WDPCP: variants seen among roughly 807,000 people sequenced by gnomAD.
WDPCP encodes the protein WD repeat-containing and planar cell polarity effector protein fritz homolog.
A neutral mutation model predicts 93.1 loss-of-function variants in WDPCP; 71 were observed. The observed-to-expected ratio is 0.76, with a 90% CI of 0.63 to 0.93. The LOEUF (loss-of-function observed/expected upper bound fraction) is 0.93, where lower values mean the gene tolerates loss of function less well. Among genes scored for constraint, WDPCP ranks in the 40% least tolerant of loss-of-function variants. WDPCP has a pLI of 0.00. For synonymous variants in WDPCP, 315 were observed against 315.0 expected, an observed-to-expected ratio of 1.00 and a Z score of 0.00; for missense variants, 844 against 887.4, an observed-to-expected ratio of 0.95 and a Z score of 0.62.
chr2:63,652,455 G>T (rs187289616), intron 2 of WDPCP, among the ~76,000 whole-genome samples: 1 of 152,190 alleles, frequency 6.6e-6, no homozygotes, highest in Non-Finnish European at 1.5e-5. Context: ...GAGAAGGAAA[G>T]AATTCACTTG....
chr2:63,588,090 C>G, intron 1 of WDPCP, 107 bp downstream of exon 1: 1 of 1,340,574 alleles, frequency 7.5e-7, no homozygotes, highest in South Asian at 1.3e-5. Flanking sequence ...GACCGGCGAG[C>G]TTGCAGGCAT....
At chr2:63,649,801 G>C (rs1193047317) in intron 3 of WDPCP, among the ~76,000 whole-genome samples, 18 of 152,172 alleles carry the variant, frequency 1.2e-4, no homozygotes, top group Admixed American at 1.2e-3. Flanking sequence ...GTCTGGAGTA[G>C]AGCAGAAATG....
intron 3 of WDPCP, chr2:63,606,802 T>C (rs922706748): frequency 1.5e-6 from 2 of 1,357,118 alleles, no homozygotes; most frequent in Admixed American, 4.2e-5. Flanking sequence ...CAAACAAGGT[T>C]GTTGCTTACT....
intron 12 of WDPCP, among the ~76,000 whole-genome samples, chr2:63,334,596 A>C (rs1688219801): frequency 6.6e-6 from 1 of 152,134 alleles, no homozygotes; most frequent in South Asian, 2.1e-4. Flanking sequence ...GAGTAGAGTG[A>C]GTAGTAGGAG....
intron 2 of WDPCP, among the ~76,000 whole-genome samples, chr2:63,651,857 T>C (rs1209591463): frequency 1.3e-5 from 2 of 152,222 alleles, no homozygotes; most frequent in East Asian, 3.9e-4. Context: ...GTATCTGAGC[T>C]TAACCTTGAA....
intron 2 of WDPCP, among the ~76,000 whole-genome samples, chr2:63,709,489 C>G (rs1669228265): frequency 6.6e-6 from 1 of 151,998 alleles, no homozygotes; most frequent in Non-Finnish European, 1.5e-5. Context: ...AAAAATATTC[C>G]CAATAAATAG....
At chr2:63,655,119 G>A (rs1417217110) in intron 2 of WDPCP, among the ~76,000 whole-genome samples, 1 of 152,212 alleles carries the variant, frequency 6.6e-6, no homozygotes, top group East Asian at 1.9e-4. Flanking sequence ...AACCATGCAT[G>A]TGGGTCTGCC....
At chr2:63,124,723 C>T (rs1315861737) in intron 17 of WDPCP, among the ~76,000 whole-genome samples, 2 of 152,174 alleles carry the variant, frequency 1.3e-5, no homozygotes, top group Non-Finnish European at 2.9e-5. Flanking sequence ...ATATTTTAGA[C>T]ATGGAAGAAA....
chr2:63,509,300 C>T (rs1702074430), intron 1 of WDPCP, among the ~76,000 whole-genome samples: 1 of 152,174 alleles, frequency 6.6e-6, no homozygotes, highest in Admixed American at 6.5e-5. Context: ...CGCACAACTA[C>T]ATGGAAACTG....
intron 1 of WDPCP, among the ~76,000 whole-genome samples, chr2:63,583,966 G>T (rs1275152788): frequency 6.6e-6 from 1 of 151,916 alleles, no homozygotes; most frequent in Non-Finnish European, 1.5e-5. Flanking sequence ...AAAAAAGAGT[G>T]GCCAGAGATA....
chr2:63,520,486 G>A (rs1184620528), intron 1 of WDPCP, among the ~76,000 whole-genome samples: 1 of 152,200 alleles, frequency 6.6e-6, no homozygotes, highest in Non-Finnish European at 1.5e-5. Context: ...GGCAGCTAGA[G>A]AGAAGGAGCA....
intron 6 of WDPCP, chr2:63,442,581 C>CA (rs1697572709): frequency 6.6e-6 from 1 of 152,110 alleles, no homozygotes; most frequent in African/African-American, 2.4e-5. Context: ...CCTTGTAACC[C>CA]AGGTTGGACT....
intron 3 of WDPCP, among the ~76,000 whole-genome samples, chr2:63,604,069 T>C (rs573180902): frequency 3.7e-4 from 56 of 149,538 alleles, no homozygotes; most frequent in African/African-American, 1.4e-3. Flanking sequence ...TTACATATGT[T>C]ATAATTTTAG....
intron 2 of WDPCP, among the ~76,000 whole-genome samples, chr2:63,723,862 A>T (rs1575758598): frequency 6.6e-6 from 1 of 152,188 alleles, no homozygotes; most frequent in East Asian, 1.9e-4. Flanking sequence ...GACATCCAGG[A>T]CATTGACTTC....
At chr2:63,680,210 A>C (rs1302105466) in intron 2 of WDPCP, among the ~76,000 whole-genome samples, 1 of 152,270 alleles carries the variant, frequency 6.6e-6, no homozygotes, top group Non-Finnish European at 1.5e-5. Context: ...CGTAAGAACC[A>C]AAAATCAGGT....
intron 17 of WDPCP, among the ~76,000 whole-genome samples, chr2:63,125,540 A>G (rs1206223187): frequency 6.6e-6 from 1 of 151,984 alleles, no homozygotes; most frequent in African/African-American, 2.4e-5. Flanking sequence ...CACTTCCCCT[A>G]CCTCAGCCTC....
At chr2:63,826,126 T>C (rs1283550748) in intron 1 of WDPCP, among the ~76,000 whole-genome samples, 1 of 152,110 alleles carries the variant, frequency 6.6e-6, no homozygotes, top group Admixed American at 6.6e-5. Context: ...GTTTGCCAAA[T>C]TCTCTGTTGA....
Position 63,809,398 on chromosome 2 carries a change from C to T in WDPCP, n.308+4224G>A, listed in dbSNP as rs866473216. On this transcript the variant is annotated intron_variant and non_coding_transcript_variant, in intron 2 of 4. Transcript: ENST00000467687. ...GAGCCCCTCTGCCCAGCCACCACCC[C>T]GTCTGGGAGGTGTGCCCAACAGCTC... Among the ~76,000 whole-genome samples, 9 of 152,300 alleles carry T rather than the reference C, an allele frequency of 5.9e-5. No homozygotes were observed. In the South Asian group the frequency reaches 1.0e-3, roughly 18 times the overall value.
At chr2:63,423,999 G>A (rs986027156) in intron 9 of WDPCP, among the ~76,000 whole-genome samples, 1 of 152,014 alleles carries the variant, frequency 6.6e-6, no homozygotes, top group Non-Finnish European at 1.5e-5. Context: ...AGCTGAAGAT[G>A]GAAGAAACTA....
Sources: gnomAD v4.1 joint callset for allele counts (sites outside exome capture counted in the v4.1 genomes callset) on GRCh38, gnomAD v4.1.1 for gene constraint, MANE v1.5 for transcripts, NCBI Gene and HGNC (gene_info 2026-07-23, HGNC 2026-07-21) for gene names.